SP4: variants seen among roughly 807,000 people sequenced by gnomAD.
SP4 encodes Sp4 transcription factor, also known as transcription factor Sp4.
Under a neutral mutation model 72.8 loss-of-function variants are expected in SP4, and 19 were observed. The ratio of observed to expected loss-of-function variants is 0.26; its 90% CI spans 0.18 to 0.38. The LOEUF (loss-of-function observed/expected upper bound fraction) is 0.38. Ranked by LOEUF, SP4 falls within the 10% of genes least tolerant of loss-of-function variation. SP4 has a pLI of 1.00. For synonymous variants in SP4, 395 were observed against 333.1 expected, an observed-to-expected ratio of 1.19 and a Z score of -2.02; for missense variants, 1,008 against 926.3, an observed-to-expected ratio of 1.09 and a Z score of -1.14.
intron 5 of SP4, among the ~76,000 whole-genome samples, chr7:21,499,828 G>A (rs1005827953): frequency 7.9e-5 from 12 of 152,240 alleles, no homozygotes; most frequent in African/African-American, 2.9e-4. Context: ...CATTGTCATA[G>A]CTTAGTTTTG....
chr7:21,492,098 G>C (rs182522836), intron 5 of SP4, among the ~76,000 whole-genome samples: 19 of 152,270 alleles, frequency 1.2e-4, no homozygotes, highest in African/African-American at 4.3e-4. Flanking sequence ...TTGTCTTGTA[G>C]ATAGTCATTG....
In SP4 at chr7:21,428,192, C is replaced by A; in HGVS notation, c.-60C>A. ...ACCGGCCTCTCCTCCCGCCTCGCCC[C>A]CACCCCCACCCACCTCTATCCCAGT... On this transcript the variant is annotated 5_prime_UTR_variant, in exon 1 of 6. Coordinates refer to ENST00000222584, the MANE Select transcript of SP4 (RefSeq NM_003112.5). 3.8e-6 allele frequency: 3 copies of A among 790,552 alleles called. No homozygotes were observed. Among genetic ancestry groups the A allele is most frequent in the Admixed American group, 2.7e-5 (1 of 37,648 alleles). 49.0% of individuals were successfully genotyped at this position (790,552 alleles called of 1,614,324 possible). A position where few individuals can be genotyped will look rare whatever the true frequency, so the allele number is the denominator to read the frequency against.
chr7:21,456,878 T>C (rs6461566), intron 3 of SP4, among the ~76,000 whole-genome samples: 60,917 of 152,062 alleles, frequency 0.4, 12,632 homozygotes, highest in East Asian at 0.67. Context: ...CCCCACAAGC[T>C]ATCTGTCAGG....
chr7:21,469,316 C>T (rs375688874), intron 3 of SP4, among the ~76,000 whole-genome samples: 131 of 152,186 alleles, frequency 8.6e-4, no homozygotes, highest in Middle Eastern at 3.4e-3. Context: ...GAACTTAGAT[C>T]ATCACATCAA....
chr7:21,508,247 C>G (rs1782054861), intron 5 of SP4, among the ~76,000 whole-genome samples: 1 of 152,200 alleles, frequency 6.6e-6, no homozygotes, highest in Admixed American at 6.5e-5. Flanking sequence ...GTGAGAAACA[C>G]AGATTCACCT....
At chr7:21,504,028 T>C (rs928702215) in intron 5 of SP4, among the ~76,000 whole-genome samples, 1 of 152,176 alleles carries the variant, frequency 6.6e-6, no homozygotes, top group Admixed American at 6.5e-5. Context: ...GTCTAATTCT[T>C]CCTCCTCCTC....
chr7:21,439,009 T>C (rs907622464), intron 3 of SP4, among the ~76,000 whole-genome samples: 1 of 152,148 alleles, frequency 6.6e-6, no homozygotes, highest in East Asian at 1.9e-4. Flanking sequence ...AATTAAACTT[T>C]ATCACAGGTA....
At chr7:21,490,944 T>C (rs1311440351) in intron 5 of SP4, among the ~76,000 whole-genome samples, 1 of 152,210 alleles carries the variant, frequency 6.6e-6, no homozygotes, top group African/African-American at 2.4e-5. Context: ...ACAAAAACAT[T>C]TTCCAGAGAA....
At chr7:21,459,499 G>A (rs899519691) in intron 3 of SP4, among the ~76,000 whole-genome samples, 1 of 152,134 alleles carries the variant, frequency 6.6e-6, no homozygotes, top group African/African-American at 2.4e-5. Flanking sequence ...TGGCAGAGGG[G>A]AAAGATACTA....
intron 3 of SP4, among the ~76,000 whole-genome samples, chr7:21,472,475 A>C (rs147342790): frequency 6.6e-6 from 1 of 152,066 alleles, no homozygotes; most frequent in African/African-American, 2.4e-5. Flanking sequence ...TAATTTTTTT[A>C]AGAGATGGCA....
chr7:21,467,753 T>C (rs1458720528), intron 3 of SP4, among the ~76,000 whole-genome samples: 1 of 152,122 alleles, frequency 6.6e-6, no homozygotes, highest in Non-Finnish European at 1.5e-5. Flanking sequence ...TAGGCTCAGT[T>C]AAGAATCATT....
At chr7:21,483,360 A>G (rs1206509316) in intron 5 of SP4, among the ~76,000 whole-genome samples, 1 of 151,892 alleles carries the variant, frequency 6.6e-6, no homozygotes, top group Non-Finnish European at 1.5e-5. Flanking sequence ...CTTTTGTCAT[A>G]TGGAAGTCTT....
At chr7:21,457,761 T>C (rs1030689557) in intron 3 of SP4, among the ~76,000 whole-genome samples, 1 of 152,070 alleles carries the variant, frequency 6.6e-6, no homozygotes, top group African/African-American at 2.4e-5. Flanking sequence ...TGTTATTTTT[T>C]TTTCAATAGG....
chr7:21,484,293 T>C (rs1256546378), intron 5 of SP4, among the ~76,000 whole-genome samples: 6 of 151,930 alleles, frequency 3.9e-5, no homozygotes, highest in Non-Finnish European at 8.8e-5. Context: ...ATATATACCT[T>C]ATACATAAAG....
chr7:21,490,066 GACTAC>G (rs1214637310), intron 5 of SP4, among the ~76,000 whole-genome samples: 2 of 152,178 alleles, frequency 1.3e-5, no homozygotes, highest in African/African-American at 4.8e-5. Flanking sequence ...CTGTTCCATT[GACTAC>G]ACTAAAAACT....
intron 5 of SP4, among the ~76,000 whole-genome samples, chr7:21,497,188 G>A (rs771290373): frequency 6.6e-6 from 1 of 152,214 alleles, no homozygotes; most frequent in Non-Finnish European, 1.5e-5. Flanking sequence ...CTACTTCACA[G>A]AGTCAGATTA....
At position 21,430,404 on chromosome 7, in the gene SP4, G is replaced by A; in HGVS notation, c.1239G>A (p.Gln413=). Residue 413 remains glutamine (Q), a synonymous_variant, in exon 3 of 6, where the codon CAG becomes CAA. Transcript: ENST00000222584. ...ILQQIQIQQP[Q]QQIIQAIPPQ... is the part of the protein sequence containing the mutation. Reference sequence around the variant, plus strand: ...AGCAGATCCAGATCCAACAGCCTCAGCAACAGATCATTCAGGCTATTCCAC... The same window carrying A: ...AGCAGATCCAGATCCAACAGCCTCAACAACAGATCATTCAGGCTATTCCAC... The A allele has an allele frequency of 1.2e-6, 2 of 1,614,208 alleles. No homozygotes were observed. Among genetic ancestry groups the A allele is most frequent in the Non-Finnish European group, 1.7e-6 (2 of 1,180,044 alleles).
chr7:21,476,863 A>T (rs1009341354), intron 3 of SP4, among the ~76,000 whole-genome samples: 2 of 152,312 alleles, frequency 1.3e-5, no homozygotes, highest in African/African-American at 4.8e-5. Flanking sequence ...ATGTATGTAT[A>T]TAGTTCCGTT....
At chr7:21,438,619 C>T (rs560372686) in intron 3 of SP4, among the ~76,000 whole-genome samples, 6 of 152,178 alleles carry the variant, frequency 3.9e-5, no homozygotes, top group Admixed American at 3.3e-4. Context: ...TATGTTATCT[C>T]GGTATAGTAG....
Sources: allele counts gnomAD v4.1 joint callset (sites outside exome capture counted in the v4.1 genomes callset), GRCh38; gene constraint gnomAD v4.1.1; transcripts MANE v1.5; gene names NCBI Gene and HGNC (gene_info 2026-07-23, HGNC 2026-07-21).